TTC7B: variants seen among roughly 807,000 people sequenced by gnomAD.
The protein encoded by TTC7B is tetratricopeptide repeat protein 7B.
Under a neutral mutation model 106.8 loss-of-function variants are expected in TTC7B, and 28 were observed. The ratio of observed to expected loss-of-function variants is 0.26; its 90% CI spans 0.19 to 0.36. The LOEUF (loss-of-function observed/expected upper bound fraction) is 0.36, where lower values mean the gene tolerates loss of function less well. Among genes scored for constraint, TTC7B ranks in the 10% least tolerant of loss-of-function variants. The pLI, the probability that TTC7B is intolerant of heterozygous loss-of-function variation, is 1.00. For synonymous variants in TTC7B, 405 were observed against 430.6 expected (o/e 0.94, Z 0.74); for missense variants, 862 against 1,076.4 (o/e 0.80, Z 2.79).
At position 90,610,888 on chromosome 14, in the gene TTC7B, G is replaced by A. The variant is rs184956117; in HGVS notation, c.1869-49C>T. 4.4e-6 allele frequency: 6 copies of A among 1,367,462 alleles called. No individual in the cohort carries two copies. The Admixed American group carries it at 5.0e-5, about 11-fold the overall frequency. The allele number at this position is 1,367,462 out of a possible 1,614,324, so 84.7% of individuals were successfully genotyped here. A position where few individuals can be genotyped will look rare whatever the true frequency, so the allele number is the denominator to read the frequency against. On this transcript the variant is annotated intron_variant, in intron 16 of 19. Transcript: ENST00000328459. Reference sequence around the variant, plus strand: ...CAGTCACCTGCAAGGTGGGAGGAGGGAAGGAAAGAGAGGCAACCAATACTG... The same window carrying A: ...CAGTCACCTGCAAGGTGGGAGGAGGAAAGGAAAGAGAGGCAACCAATACTG...
Position 90,550,403 on chromosome 14 carries a change from TCCC to T in TTC7B, c.2311-8817_2311-8815del, listed in dbSNP as rs555055499. ...TTTGCTTATCACACACATGCACACA[TCCC>T]CCTTTTGTGAATATTCATAGCTCCT... On this transcript the variant is annotated intron_variant, in intron 19 of 19. Transcript: ENST00000328459. Among the ~76,000 whole-genome samples, 368 of 152,236 alleles carry T rather than the reference TCCC, an allele frequency of 2.4e-3. 3 individuals are homozygous for T. Among genetic ancestry groups the T allele is most frequent in the African/African-American group, 8.4e-3 (349 of 41,528 alleles).
chr14:90,738,607 CAA>C (rs1037512978), intron 4 of TTC7B, among the ~76,000 whole-genome samples: 3 of 126,308 alleles, frequency 2.4e-5, no homozygotes, highest in Admixed American at 8.0e-5. Context: ...AACTCTGGCT[CAA>C]AAAAAAAAAA....
Position 90,527,849 on chromosome 14 carries a change from G to A in TTC7B, c.*13519C>T, listed in dbSNP as rs1422787202. The A allele has an allele frequency of 6.6e-6, 1 of 151,442 alleles. No homozygotes were observed. Among genetic ancestry groups the A allele is most frequent in the African/African-American group, 2.4e-5 (1 of 41,264 alleles). 9.4% of individuals were successfully genotyped at this position (151,442 alleles called of 1,614,324 possible). A position where few individuals can be genotyped will look rare whatever the true frequency, so the allele number is the denominator to read the frequency against. On this transcript the variant is annotated 3_prime_UTR_variant, in exon 20 of 20. Coordinates refer to ENST00000328459, the MANE Select transcript of TTC7B (RefSeq NM_001010854.2). The stretch of plus-strand genomic sequence containing the variant: ...GCTGGGATTTCAGGCGTGAGCCACT[G>A]CGCCTGGCAGATGTGACTCACTTTA...
At chr14:90,661,999 C>G (rs1413644290) in intron 9 of TTC7B, among the ~76,000 whole-genome samples, 1 of 152,202 alleles carries the variant, frequency 6.6e-6, no homozygotes, top group Non-Finnish European at 1.5e-5. Flanking sequence ...AGAAAAACAG[C>G]CCCAGTCCTC....
At chr14:90,732,881 T>G (rs1281819452) in intron 4 of TTC7B, among the ~76,000 whole-genome samples, 1 of 152,202 alleles carries the variant, frequency 6.6e-6, no homozygotes, top group Non-Finnish European at 1.5e-5. Flanking sequence ...GCTTCTTGCT[T>G]CCTCCGAAGG....
chr14:90,722,797 A>G (rs746450699), intron 5 of TTC7B, among the ~76,000 whole-genome samples: 1 of 152,138 alleles, frequency 6.6e-6, no homozygotes. Flanking sequence ...CCTCTTTCCT[A>G]GCACAGGTTC....
intron 17 of TTC7B, chr14:90,601,886 C>G (rs916917277): frequency 9.5e-5 from 29 of 306,798 alleles, no homozygotes; most frequent in Non-Finnish European, 1.3e-4. Context: ...GAAATGAGGC[C>G]CAGGGCGATG....
chr14:90,552,098 G>A (rs887613185), intron 19 of TTC7B, among the ~76,000 whole-genome samples: 2 of 152,208 alleles, frequency 1.3e-5, no homozygotes, highest in Non-Finnish European at 2.9e-5. Flanking sequence ...GCCTCCCCAG[G>A]CCAGAAGCTC....
rs929628505 is a variant in TTC7B, at chr14:90,803,509, G to T, written c.121+12666C>A. 3.3e-5 allele frequency among the ~76,000 whole-genome samples: 5 copies of T among 152,168 alleles called. No individual in the cohort carries two copies. In the East Asian group the frequency reaches 7.7e-4, roughly 23 times the overall value. On this transcript the variant is annotated intron_variant, in intron 1 of 19. Transcript: ENST00000328459. ...CATTCCCACTGCAGGGCTCCTGCTG[G>T]TTCCTCCCGACTCCCATAACTCTCC...
At chr14:90,767,823 A>G (rs1168059738) in intron 3 of TTC7B, among the ~76,000 whole-genome samples, 1 of 152,228 alleles carries the variant, frequency 6.6e-6, no homozygotes, top group African/African-American at 2.4e-5. Context: ...ATAGAAGGAA[A>G]AGAGGGAGAG....
intron 6 of TTC7B, among the ~76,000 whole-genome samples, chr14:90,692,922 T>A (rs1056943843): frequency 2.6e-5 from 4 of 151,944 alleles, no homozygotes; most frequent in African/African-American, 9.7e-5. Context: ...TGGCAGGGTG[T>A]GTGTGTGTGT....
At chr14:90,719,492 A>T (rs1888799545) in intron 5 of TTC7B, among the ~76,000 whole-genome samples, 1 of 152,150 alleles carries the variant, frequency 6.6e-6, no homozygotes, top group Admixed American at 6.5e-5. Context: ...GCTGATTCTT[A>T]CAACTGAGCA....
chr14:90,592,762 C>A (rs1272659600), intron 18 of TTC7B, among the ~76,000 whole-genome samples: 1 of 151,234 alleles, frequency 6.6e-6, no homozygotes, highest in African/African-American at 2.4e-5. Flanking sequence ...TTTAGTGGTG[C>A]AGAAGCATCG....
chr14:90,526,274 A>G lies in TTC7B; in HGVS notation c.*15094T>C, dbSNP rs549032619. On this transcript the variant is annotated 3_prime_UTR_variant, in exon 20 of 20. Coordinates refer to ENST00000328459, the MANE Select transcript of TTC7B (RefSeq NM_001010854.2). The stretch of plus-strand genomic sequence containing the variant: ...AGTTTTGACTTGCATTTCCCTAGTG[A>G]GTAATGATGTTGAACATTTCTTCAT... 7.2e-5 allele frequency: 11 copies of G among 152,334 alleles called. No individual in the cohort carries two copies. The highest frequency in any genetic ancestry group is 2.6e-4 in the African/African-American group (11 of 41,572). The allele number at this position is 152,334 out of a possible 1,614,324, so 9.4% of individuals were successfully genotyped here.
intron 3 of TTC7B, among the ~76,000 whole-genome samples, chr14:90,771,495 T>G (rs1372018278): frequency 6.6e-6 from 1 of 152,084 alleles, no homozygotes; most frequent in African/African-American, 2.4e-5. Context: ...TTGTGGGGGC[T>G]GAGGCAGGAG....
chr14:90,695,208 GTATATTTTATA>G, intron 6 of TTC7B, among the ~76,000 whole-genome samples: 1 of 136,010 alleles, frequency 7.4e-6, no homozygotes, highest in African/African-American at 2.8e-5. Context: ...TATAAAACAT[GTATATTTTATA>G]TACATTTTAT....
intron 18 of TTC7B, among the ~76,000 whole-genome samples, chr14:90,590,384 A>AT (rs2139818471): frequency 6.6e-6 from 1 of 152,208 alleles, no homozygotes; most frequent in East Asian, 1.9e-4. Flanking sequence ...CAAGCCTCAA[A>AT]TCTGGGTCCA....
At chr14:90,559,774 C>A (rs1424180168) in intron 19 of TTC7B, among the ~76,000 whole-genome samples, 1 of 152,254 alleles carries the variant, frequency 6.6e-6, no homozygotes, top group Admixed American at 6.5e-5. Context: ...CCGTGTTGAA[C>A]CTGTATGACA....
chr14:90,684,772 C>T (rs1057229539), intron 7 of TTC7B, among the ~76,000 whole-genome samples: 1 of 151,972 alleles, frequency 6.6e-6, no homozygotes, highest in East Asian at 1.9e-4. Flanking sequence ...CAGTAGTGTC[C>T]TTTCCTGACC....
Sources: allele counts gnomAD v4.1 joint callset (sites outside exome capture counted in the v4.1 genomes callset), GRCh38; gene constraint gnomAD v4.1.1; transcripts MANE v1.5; gene names NCBI Gene and HGNC (gene_info 2026-07-23, HGNC 2026-07-21).